The following GSE1 variants were observed in gnomAD, a reference collection of about 807,000 sequenced individuals.
The protein encoded by GSE1 is genetic suppressor element 1.
A neutral mutation model predicts 112.6 loss-of-function variants in GSE1; 32 were observed. The observed-to-expected ratio is 0.28, with a 90% CI of 0.21 to 0.38. The LOEUF (loss-of-function observed/expected upper bound fraction) is 0.38. Ranked by LOEUF, GSE1 falls within the 10% of genes least tolerant of loss-of-function variation. The pLI, the probability that GSE1 is intolerant of heterozygous loss-of-function variation, is 1.00. For synonymous variants in GSE1, 1,115 were observed against 735.6 expected (o/e 1.52, Z -8.35); for missense variants, 2,348 against 1,699.2 (o/e 1.38, Z -6.71).
At chr16:85,333,761 C>T (rs1313181726) in intron 1 of GSE1, among the ~76,000 whole-genome samples, 1 of 152,154 alleles carries the variant, frequency 6.6e-6, no homozygotes, top group African/African-American at 2.4e-5. Context: ...ACTTCCGGAG[C>T]ACCCGCCATC....
At chr16:85,445,542 A>G (rs898684168) in intron 2 of GSE1, among the ~76,000 whole-genome samples, 14 of 152,348 alleles carry the variant, frequency 9.2e-5, no homozygotes, top group African/African-American at 2.4e-4. Flanking sequence ...TGAGCCTTCC[A>G]AAGGTAGCAG....
At chr16:85,198,578 C>T (rs2074971785) in intron 1 of GSE1, among the ~76,000 whole-genome samples, 1 of 152,104 alleles carries the variant, frequency 6.6e-6, no homozygotes, top group South Asian at 2.1e-4. Flanking sequence ...CTCTGCTGGC[C>T]AGAGTCTGGG....
chr16:85,227,091 GT>G, intron 1 of GSE1, among the ~76,000 whole-genome samples: 1 of 151,074 alleles, frequency 6.6e-6, no homozygotes, highest in East Asian at 2.0e-4. Flanking sequence ...TCTTTCCTCA[GT>G]CCTTCTTTTC....
At chr16:85,207,632 A>G (rs550225506) in intron 1 of GSE1, among the ~76,000 whole-genome samples, 3 of 152,344 alleles carry the variant, frequency 2.0e-5, no homozygotes, top group South Asian at 4.1e-4. Flanking sequence ...CTGCAGAGCC[A>G]GATGAGGCTG....
intron 1 of GSE1, among the ~76,000 whole-genome samples, chr16:85,267,108 C>T (rs183906687): frequency 9.3e-4 from 141 of 152,246 alleles, no homozygotes; most frequent in Middle Eastern, 3.4e-3. Flanking sequence ...AGAAATTGCA[C>T]GAGCCTTGGT....
intron 2 of GSE1, among the ~76,000 whole-genome samples, chr16:85,380,776 G>A (rs2047528976): frequency 6.6e-6 from 1 of 152,156 alleles, no homozygotes; most frequent in African/African-American, 2.4e-5. Context: ...CTCGCAAACA[G>A]CCCTCCGCTG....
upstream of GSE1, among the ~76,000 whole-genome samples, chr16:85,609,294 A>G (rs2047857078): frequency 6.6e-6 from 1 of 152,264 alleles, no homozygotes; most frequent in Non-Finnish European, 1.5e-5. Flanking sequence ...GCTGGAGTGC[A>G]GTGGCACAAT....
At chr16:85,449,548 G>A (rs1222483519) in intron 2 of GSE1, among the ~76,000 whole-genome samples, 1 of 152,274 alleles carries the variant, frequency 6.6e-6, no homozygotes, top group Non-Finnish European at 1.5e-5. Context: ...CGCTTGCCAA[G>A]TGAGATTGAT....
rs1175966521 is a variant in GSE1, at chr16:85,663,632, T to C, written c.2644+18T>C. 1.2e-6 allele frequency: 2 copies of C among 1,600,348 alleles called. No homozygotes were observed. The highest frequency in any genetic ancestry group is 1.7e-6 in the Non-Finnish European group (2 of 1,172,432). On this transcript the variant is annotated intron_variant, in intron 11 of 15. Transcript: ENST00000253458. The stretch of plus-strand genomic sequence containing the variant: ...GAGGAAAGGTAGGGCCTCGCCTGGG[T>C]AGGAAGGTGGGGGCTCACTGGGGTG...
chr16:85,665,161 C>G, intron 12 of GSE1, 33 bp downstream of exon 12: 2 of 1,312,912 alleles, frequency 1.5e-6, no homozygotes, highest in South Asian at 1.2e-5. Flanking sequence ...TGCCACCACC[C>G]AGGACCATCC....
At chr16:85,190,575 C>G (rs904938765) in intron 1 of GSE1, among the ~76,000 whole-genome samples, 3 of 152,246 alleles carry the variant, frequency 2.0e-5, no homozygotes, top group Non-Finnish European at 2.9e-5. Context: ...GAGTCTAACA[C>G]TCTTCACTTT....
chr16:85,228,182 AG>A (rs1237933461), intron 1 of GSE1, among the ~76,000 whole-genome samples: 1 of 152,232 alleles, frequency 6.6e-6, no homozygotes, highest in Non-Finnish European at 1.5e-5. Flanking sequence ...CCCCCGCCGG[AG>A]GAGCCCTGTC....
chr16:85,618,855 T>C (rs1259334016), intron 1 of GSE1, among the ~76,000 whole-genome samples: 1 of 152,232 alleles, frequency 6.6e-6, no homozygotes, highest in Non-Finnish European at 1.5e-5. Context: ...GGAGACAGGG[T>C]CTCTCACTGT....
intron 14 of GSE1, among the ~76,000 whole-genome samples, chr16:85,669,603 G>C (rs1322072002): frequency 1.3e-5 from 2 of 152,208 alleles, no homozygotes; most frequent in African/African-American, 4.8e-5. Flanking sequence ...GCAATACACA[G>C]TGATTTTTAA....
chr16:85,499,295 C>CTTTTTTTTTTTTTTTTTTTTTTTTT (rs568776401), intron 2 of GSE1, among the ~76,000 whole-genome samples: 1 of 77,162 alleles, frequency 1.3e-5, no homozygotes, highest in African/African-American at 5.1e-5. Flanking sequence ...GGAAAGTCAC[C>CTTTTTTTTTTTTTTTTTTTTTTTTT]TTTTTTTTTT....
chr16:85,321,802 A>G (rs1214981821), intron 1 of GSE1, among the ~76,000 whole-genome samples: 1 of 152,140 alleles, frequency 6.6e-6, no homozygotes, highest in Non-Finnish European at 1.5e-5. Context: ...TAAAAAAAAA[A>G]AAAAAGAAAA....
chr16:85,646,636 G>A (rs2050890392), intron 2 of GSE1, among the ~76,000 whole-genome samples: 1 of 152,200 alleles, frequency 6.6e-6, no homozygotes, highest in Non-Finnish European at 1.5e-5. Context: ...CTTGGGGAGG[G>A]TGAGCCGGAC....
chr16:85,347,913 C>T (rs955685014), intron 1 of GSE1, among the ~76,000 whole-genome samples: 11 of 152,222 alleles, frequency 7.2e-5, no homozygotes, highest in South Asian at 4.1e-4. Context: ...CAGCAGCCCT[C>T]GAGGCCTTGA....
chr16:85,448,662 A>G (rs2049580062), intron 2 of GSE1, among the ~76,000 whole-genome samples: 1 of 152,156 alleles, frequency 6.6e-6, no homozygotes, highest in South Asian at 2.1e-4. Context: ...CCATCTGCCA[A>G]GTTAATGCAA....
Sources: gnomAD v4.1 joint callset for allele counts (sites outside exome capture counted in the v4.1 genomes callset) on GRCh38, gnomAD v4.1.1 for gene constraint, MANE v1.5 for transcripts, NCBI Gene and HGNC (gene_info 2026-07-23, HGNC 2026-07-21) for gene names.